The following FBXL17 variants were observed in gnomAD, a reference collection of about 807,000 sequenced individuals.
The protein encoded by FBXL17 is F-box/LRR-repeat protein 17.
FBXL17 carries 22 observed loss-of-function variants against 66.2 expected under a neutral mutation model. That is an observed-to-expected ratio of 0.33 (90% confidence interval 0.24 to 0.47). The LOEUF (loss-of-function observed/expected upper bound fraction) is 0.47. Ranked by LOEUF, FBXL17 falls within the 20% of genes least tolerant of loss-of-function variation. The pLI is 1.00. For synonymous variants in FBXL17, 474 were observed against 400.5 expected (o/e 1.18, Z -2.19); for missense variants, 878 against 948.2 (o/e 0.93, Z 0.97).
chr5:108,119,338 A>T (rs1043431033), intron 6 of FBXL17, among the ~76,000 whole-genome samples: 1 of 152,170 alleles, frequency 6.6e-6, no homozygotes, highest in African/African-American at 2.4e-5. Context: ...GGAATAAATT[A>T]GGCACTTCAG....
chr5:108,232,610 C>G (rs1275017418), intron 4 of FBXL17, among the ~76,000 whole-genome samples: 4 of 151,064 alleles, frequency 2.6e-5, no homozygotes, highest in Non-Finnish European at 5.9e-5. Flanking sequence ...GCAAGACAGG[C>G]CTAGCGTCCC....
intron 6 of FBXL17, among the ~76,000 whole-genome samples, chr5:108,049,648 G>A (rs867545021): frequency 6.6e-6 from 1 of 152,208 alleles, no homozygotes; most frequent in Middle Eastern, 3.4e-3. Flanking sequence ...AAAATATAAA[G>A]ACCAATGACA....
chr5:108,328,349 G>T (rs1035404724), intron 4 of FBXL17, among the ~76,000 whole-genome samples: 1 of 152,024 alleles, frequency 6.6e-6, no homozygotes, highest in East Asian at 1.9e-4. Context: ...AAAACACTAG[G>T]AATGGAGATG....
At chr5:108,336,059 T>C (rs1760366751) in intron 4 of FBXL17, among the ~76,000 whole-genome samples, 1 of 152,164 alleles carries the variant, frequency 6.6e-6, no homozygotes, top group Non-Finnish European at 1.5e-5. Flanking sequence ...TGTAACAAAA[T>C]ATCTATCCTT....
At chr5:108,241,146 C>A (rs532614439) in intron 4 of FBXL17, among the ~76,000 whole-genome samples, 1 of 152,266 alleles carries the variant, frequency 6.6e-6, no homozygotes, top group South Asian at 2.1e-4. Context: ...CATTACCAAA[C>A]AAACTAAATA....
chr5:108,221,034 A>T (rs894473782), intron 5 of FBXL17, among the ~76,000 whole-genome samples: 3 of 152,164 alleles, frequency 2.0e-5, no homozygotes, highest in Non-Finnish European at 4.4e-5. Flanking sequence ...TATCTTATCA[A>T]CCTGTGTGCA....
chr5:108,320,324 G>C (rs1027164942), intron 4 of FBXL17, among the ~76,000 whole-genome samples: 10 of 151,640 alleles, frequency 6.6e-5, no homozygotes, highest in African/African-American at 2.2e-4. Context: ...AAACAAGCCA[G>C]TAATCATCTG....
At chr5:107,931,380 C>T (rs892008) in intron 7 of FBXL17, among the ~76,000 whole-genome samples, 55,997 of 151,454 alleles carry the variant, frequency 0.37, 11,101 homozygotes, top group East Asian at 0.58. Context: ...CCACCTCAGC[C>T]TCCCAAGTAG....
chr5:108,172,168 G>C (rs1752630492), intron 6 of FBXL17, among the ~76,000 whole-genome samples: 1 of 152,328 alleles, frequency 6.6e-6, no homozygotes, highest in East Asian at 1.9e-4. Flanking sequence ...TCTGGCTGTT[G>C]TTTAGACTTC....
intron 5 of FBXL17, among the ~76,000 whole-genome samples, chr5:108,208,786 C>G (rs1166298688): frequency 6.6e-6 from 1 of 152,116 alleles, no homozygotes; most frequent in East Asian, 1.9e-4. Flanking sequence ...ACTGTCATGG[C>G]TATAAGGGCT....
intron 4 of FBXL17, among the ~76,000 whole-genome samples, chr5:108,340,590 T>C (rs902110283): frequency 6.6e-6 from 1 of 152,182 alleles, no homozygotes; most frequent in African/African-American, 2.4e-5. Context: ...TTAGTGACTT[T>C]GGCTGGATAA....
At chr5:107,881,398 T>C (rs537908379) in intron 7 of FBXL17, among the ~76,000 whole-genome samples, 3 of 152,346 alleles carry the variant, frequency 2.0e-5, no homozygotes, top group African/African-American at 4.8e-5. Context: ...TTCCCTTTCA[T>C]TGAACACAAC....
intron 7 of FBXL17, among the ~76,000 whole-genome samples, chr5:107,987,291 CTTGT>C (rs1377512642): frequency 7.0e-5 from 1 of 14,298 alleles, no homozygotes; most frequent in African/African-American, 2.9e-4. Flanking sequence ...TCTGCTATTG[CTTGT>C]TTTTTTTTTT....
intron 4 of FBXL17, among the ~76,000 whole-genome samples, chr5:108,273,830 T>A (rs1160689326): frequency 6.6e-6 from 1 of 151,932 alleles, no homozygotes; most frequent in Non-Finnish European, 1.5e-5. Flanking sequence ...CTGTTTTCAT[T>A]AAGAACAATG....
At chr5:108,212,349 T>G (rs1007267068) in intron 5 of FBXL17, among the ~76,000 whole-genome samples, 2 of 152,210 alleles carry the variant, frequency 1.3e-5, no homozygotes, top group African/African-American at 4.8e-5. Context: ...GTCAAACTCA[T>G]TCTCCATCCA....
chr5:108,318,008 A>T (rs1263038013), intron 4 of FBXL17, among the ~76,000 whole-genome samples: 1 of 151,664 alleles, frequency 6.6e-6, no homozygotes, highest in East Asian at 1.9e-4. Context: ...GACTTTTATG[A>T]AACAGATCAC....
At chr5:107,893,918 G>T (rs1749287285) in intron 7 of FBXL17, among the ~76,000 whole-genome samples, 1 of 152,188 alleles carries the variant, frequency 6.6e-6, no homozygotes, top group South Asian at 2.1e-4. Context: ...CCATTTGTAT[G>T]TACTGGCTGT....
Position 108,368,540 on chromosome 5 carries a change from C to G in FBXL17, c.994-587G>C, listed in dbSNP as rs148176462. Among the ~76,000 whole-genome samples the G allele has an allele frequency of 7.9e-3, 1,204 of 151,888 alleles. 16 individuals carry two copies. The highest frequency in any genetic ancestry group is 0.026 in the African/African-American group (1,088 of 41,472). On this transcript the variant is annotated intron_variant, in intron 1 of 8. Coordinates refer to ENST00000542267, the MANE Select transcript of FBXL17 (RefSeq NM_001163315.3). ...TTCTACAAAATACTGGATCAAAACT[C>G]CTCAAAAAATTCAAGGTCATGAAAA... is the stretch of plus-strand genomic sequence containing the variant.
At position 107,981,401 on chromosome 5, in the gene FBXL17, C is replaced by G. The variant is rs370574538; in HGVS notation, c.1822+39524G>C. Among the ~76,000 whole-genome samples the G allele has an allele frequency of 3.4e-4, 52 of 152,304 alleles. 3 individuals are homozygous for G. The East Asian group carries it at 5.0e-3, about 15-fold the overall frequency. On this transcript the variant is annotated intron_variant, in intron 7 of 8. Coordinates refer to ENST00000542267, the MANE Select transcript of FBXL17 (RefSeq NM_001163315.3). ...CTAGGAGGATGTTTACATGGAGTGA[C>G]CACAACTGTGGGTCAGTGCTCCTCT...
Sources: allele counts gnomAD v4.1 joint callset (sites outside exome capture counted in the v4.1 genomes callset), GRCh38; gene constraint gnomAD v4.1.1; transcripts MANE v1.5; gene names NCBI Gene and HGNC (gene_info 2026-07-23, HGNC 2026-07-21).